Variants in CEP104 observed in about 807,000 individuals in gnomAD.
The protein encoded by CEP104 is centrosomal protein of 104 kDa.
CEP104 carries 84 observed loss-of-function variants against 113.3 expected under a neutral mutation model. The ratio of observed to expected loss-of-function variants is 0.74; its 90% CI spans 0.62 to 0.89. The LOEUF (loss-of-function observed/expected upper bound fraction) is 0.89, where lower values mean the gene tolerates loss of function less well. Among genes scored for constraint, CEP104 ranks in the 40% least tolerant of loss-of-function variants. The probability of loss-of-function intolerance (pLI) is 0.00; values close to 1 mark genes in which losing one functional copy is unlikely to be tolerated. For missense variants in CEP104, 1,053 were observed against 1,156.6 expected (o/e 0.91, Z 1.30); for synonymous variants, 378 against 421.7 (o/e 0.90, Z 1.27).
chr1:3,835,526 C>G (rs1370346395), intron 10 of CEP104, among the ~76,000 whole-genome samples: 1 of 152,172 alleles, frequency 6.6e-6, no homozygotes, highest in Non-Finnish European at 1.5e-5. Flanking sequence ...GTGCCTGACA[C>G]CATGCCCAGC....
intron 3 of CEP104, 158 bp from the exon 4 acceptor site, chr1:3,847,771 A>C: frequency 1.5e-6 from 1 of 689,398 alleles, no homozygotes; most frequent in Non-Finnish European, 2.4e-6. Context: ...ATAAAAGCTA[A>C]GTCTAGAATG....
At position 3,828,185 on chromosome 1, in the gene CEP104, A is replaced by G. The variant is rs77699317; in HGVS notation, c.2151+1081T>C. Among the ~76,000 whole-genome samples, 911 of 152,268 alleles carry G rather than the reference A, an allele frequency of 6.0e-3. 10 individuals carry two copies. The highest frequency in any genetic ancestry group is 0.02 in the African/African-American group (848 of 41,562). ...AGGCGCCTGGCAATGGGCTTAGTAC[A>G]TGCTAGCTCATGGCTGGAGGGAAAT... is the stretch of plus-strand genomic sequence containing the variant. On this transcript the variant is annotated intron_variant, in intron 15 of 21. Coordinates refer to ENST00000378230, the MANE Select transcript of CEP104 (RefSeq NM_014704.4).
chr1:3,825,384 G>A (rs1340769566), intron 18 of CEP104, among the ~76,000 whole-genome samples: 2 of 152,212 alleles, frequency 1.3e-5, no homozygotes, highest in East Asian at 1.9e-4. Context: ...AGCGGAAGGT[G>A]GATGAAGGTG....
In CEP104 at chr1:3,815,497, C is replaced by T. The variant is rs372708011; in HGVS notation, c.2683G>A (p.Ala895Thr). The T allele has an allele frequency of 8.7e-5, 140 of 1,605,916 alleles. No homozygotes were observed. Among genetic ancestry groups the T allele is most frequent in the Non-Finnish European group, 1.0e-4 (121 of 1,176,436 alleles). Reference protein sequence around the residue: ...LQPGKSSAVAASGPLGSKAGS... With the variant: ...LQPGKSSAVATSGPLGSKAGS... ...GCCTTTGACCCCAAGGGGCCTGATG[C>T]GGCCACAGCTGAGCTTTTCCCTGCA... is the stretch of plus-strand genomic sequence containing the variant. The change falls in exon 22 of 22, where the codon GCA (alanine) becomes ACA (threonine). Residue 895 changes from alanine (A) to threonine (T), a missense_variant. Transcript: ENST00000378230.
At chr1:3,854,263 T>C (rs753442672) in intron 1 of CEP104, among the ~76,000 whole-genome samples, 23 of 152,004 alleles carry the variant, frequency 1.5e-4, no homozygotes, top group Non-Finnish European at 3.1e-4. Context: ...CCTAAGTTCC[T>C]ATTGTGTGAA....
At chr1:3,844,287 A>C (rs1644466691) in intron 6 of CEP104, among the ~76,000 whole-genome samples, 1 of 152,184 alleles carries the variant, frequency 6.6e-6, no homozygotes. Flanking sequence ...GAACACAAGA[A>C]AGGAAGTAGT....
chr1:3,823,692 A>T lies in CEP104; in HGVS notation c.2365-130T>A. 1.8e-6 allele frequency: 2 copies of T among 1,090,732 alleles called. No individual in the cohort carries two copies. Among genetic ancestry groups the T allele is most frequent in the Non-Finnish European group, 2.7e-6 (2 of 749,290 alleles). The allele number at this position is 1,090,732 out of a possible 1,614,324, so 67.6% of individuals were successfully genotyped here. A position where few individuals can be genotyped will look rare whatever the true frequency, so the allele number is the denominator to read the frequency against. On this transcript the variant is annotated intron_variant, in intron 18 of 21. Transcript: ENST00000378230. This position sits in a 1 kb window ranked among gnomAD's most constrained non-coding sequence, Gnocchi z 4.1. ...GCCGCCTGCACATGAAGTAAGCCACAGGCTTCTATCTTCGGCATTTGCCCA... is the reference window on the plus strand; with the variant it reads ...GCCGCCTGCACATGAAGTAAGCCACTGGCTTCTATCTTCGGCATTTGCCCA...
Position 3,848,607 on chromosome 1 carries a change from C to T in CEP104, c.287+1G>A, listed in dbSNP as rs775946926. On this transcript the variant is annotated splice_donor_variant, in intron 3 of 21. Coordinates refer to ENST00000378230, the MANE Select transcript of CEP104 (RefSeq NM_014704.4). LOFTEE classifies it high-confidence loss of function. ...TGATACATTTTAAATTTCATTCTTA[C>T]CCAAGTCTTCGAAACCGCTCTGCTT... The T allele has an allele frequency of 6.2e-7, 1 of 1,605,298 alleles. No homozygotes were observed. The highest frequency in any genetic ancestry group is 1.7e-5 in the Admixed American group (1 of 57,818).
At position 3,812,839 on chromosome 1, in the gene CEP104, C is replaced by G. The variant is rs915299418; in HGVS notation, c.*2563G>C. On this transcript the variant is annotated 3_prime_UTR_variant, in exon 22 of 22. Transcript: ENST00000378230. ...TAGGCAACAGAGCAAGACTCCGTCT[C>G]AAACCCCACCACCCCCGCAAAACAA... 2.0e-4 allele frequency: 30 copies of G among 152,192 alleles called. No individual in the cohort carries two copies. Among genetic ancestry groups the G allele is most frequent in the African/African-American group, 7.2e-4 (30 of 41,510 alleles). The allele number at this position is 152,192 out of a possible 1,614,324, so 9.4% of individuals were successfully genotyped here.
rs144861993 is a variant in CEP104 at position 3,816,297 on chromosome 1, G to T, written c.2645C>A (p.Ala882Asp). 7.1e-6 allele frequency: 11 copies of T among 1,552,728 alleles called. No homozygotes were observed. The highest frequency in any genetic ancestry group is 2.4e-5 in the South Asian group (2 of 84,130). ...NLRKTHILQKAPALQPGKSSA... is the reference protein window; with the variant it reads ...NLRKTHILQKDPALQPGKSSA... The stretch of plus-strand genomic sequence containing the variant: ...TCCCTCACCTGGCTGCAGTGCCGGG[G>T]CCTTCTGCAGAATGTGTGTCTTGCG... The change falls in exon 21 of 22, where the codon GCC becomes GAC. Residue 882 changes from alanine to aspartate, a missense_variant. Physicochemically the swap from Ala to Asp is moderately radical, Grantham distance 126 (BLOSUM62 -2). Coordinates refer to ENST00000378230, the MANE Select transcript of CEP104 (RefSeq NM_014704.4).
chr1:3,830,059 C>G, intron 13 of CEP104, 62 bp from the exon 14 acceptor site: 2 of 1,202,958 alleles, frequency 1.7e-6, no homozygotes, highest in Non-Finnish European at 2.4e-6. Context: ...TTCCAGCTTA[C>G]AAAAAAGGTA....
intron 6 of CEP104, among the ~76,000 whole-genome samples, chr1:3,840,329 C>T (rs180988748): frequency 4.9e-4 from 74 of 152,114 alleles, no homozygotes; most frequent in African/African-American, 1.7e-3. Context: ...CTCCACCTCC[C>T]GGGTTCAGGC....
chr1:3,856,164 T>C (rs1202802527), intron 1 of CEP104, among the ~76,000 whole-genome samples: 1 of 152,238 alleles, frequency 6.6e-6, no homozygotes, highest in Non-Finnish European at 1.5e-5. Context: ...ATCCCAGCAC[T>C]TCGGGAGGCC....
intron 2 of CEP104, among the ~76,000 whole-genome samples, chr1:3,851,373 T>C (rs1482816257): frequency 5.9e-5 from 9 of 152,110 alleles, no homozygotes. Flanking sequence ...GACTTCTGAA[T>C]AAAAGCAAGA....
rs1465465634 is a variant in CEP104 at position 3,833,717 on chromosome 1, A to G, written c.1659+145T>C. The G allele has an allele frequency of 2.1e-5, 15 of 706,546 alleles. No homozygotes were observed. In the Admixed American group the frequency reaches 4.7e-4, roughly 22 times the overall value. The allele number at this position is 706,546 out of a possible 1,614,324, so 43.8% of individuals were successfully genotyped here. A position where few individuals can be genotyped will look rare whatever the true frequency, so the allele number is the denominator to read the frequency against. On this transcript the variant is annotated intron_variant, in intron 12 of 21. Transcript: ENST00000378230. Reference sequence around the variant, plus strand: ...GTCTAAGACAAAACTGACCTTTTAGAGCATAAGGAAAGTGTGATGGTGAAT... The same window carrying G: ...GTCTAAGACAAAACTGACCTTTTAGGGCATAAGGAAAGTGTGATGGTGAAT...
rs1006590667 is a variant in CEP104 at position 3,815,084 on chromosome 1, G to A, written c.*318C>T. ...GTGCTGACCGTGGCCTTGCGCGAGC[G>A]CCTCCCGGCGGTGCTCTCTGGCTCT... On this transcript the variant is annotated 3_prime_UTR_variant, in exon 22 of 22. Coordinates refer to ENST00000378230, the MANE Select transcript of CEP104 (RefSeq NM_014704.4). 11 of 250,858 alleles carry A rather than the reference G, an allele frequency of 4.4e-5. No homozygotes were observed. Among genetic ancestry groups the A allele is most frequent in the Non-Finnish European group, 6.6e-5 (10 of 151,070 alleles). 15.5% of individuals were successfully genotyped at this position (250,858 alleles called of 1,614,324 possible).
rs114302887 is a variant in CEP104 at position 3,823,048 on chromosome 1, C to G, written c.2571+126G>C. On this transcript the variant is annotated intron_variant, in intron 20 of 21. Coordinates refer to ENST00000378230, the MANE Select transcript of CEP104 (RefSeq NM_014704.4). This position sits in a 1 kb window ranked among gnomAD's most constrained non-coding sequence, Gnocchi z 4.1. ...GACAGGGCTCACTAGACGCTGTCCCCTCCCTGAACACTCATGTACTGTACT... is the reference window on the plus strand; with the variant it reads ...GACAGGGCTCACTAGACGCTGTCCCGTCCCTGAACACTCATGTACTGTACT... 1.1e-4 allele frequency: 89 copies of G among 834,180 alleles called. No homozygotes were observed. The African/African-American group carries it at 1.5e-3, about 14-fold the overall frequency. 51.7% of individuals were successfully genotyped at this position (834,180 alleles called of 1,614,324 possible). A position where few individuals can be genotyped will look rare whatever the true frequency, so the allele number is the denominator to read the frequency against.
At chr1:3,847,649 G>A in intron 3 of CEP104, 36 bp from the exon 4 acceptor site, 1 of 1,611,976 alleles carries the variant, frequency 6.2e-7, no homozygotes, top group Non-Finnish European at 8.5e-7. Context: ...ATTTGAAAAT[G>A]TGCTGTTCAA....
chr1:3,845,816 G>A (rs1343309202), intron 4 of CEP104, among the ~76,000 whole-genome samples: 3 of 152,088 alleles, frequency 2.0e-5, no homozygotes, highest in Non-Finnish European at 2.9e-5. Context: ...GCCTGGGCGC[G>A]GTGCCTCATG....
Sources: allele counts gnomAD v4.1 joint callset (sites outside exome capture counted in the v4.1 genomes callset), GRCh38; gene constraint gnomAD v4.1.1; non-coding constraint Gnocchi (gnomAD v3.1); transcripts MANE v1.5; gene names NCBI Gene and HGNC (gene_info 2026-07-23, HGNC 2026-07-21).